AIF1L: variants seen among roughly 807,000 people sequenced by gnomAD.
AIF1L encodes allograft inflammatory factor 1 like.
In AIF1L, 12 loss-of-function variants were observed where a neutral mutation model predicts 20.7. That is an observed-to-expected ratio of 0.58 (90% CI 0.37 to 0.94). The LOEUF is 0.94. Among genes scored for constraint, AIF1L ranks in the 40% least tolerant of loss-of-function variants. The probability of loss-of-function intolerance (pLI) is 0.01; values close to 1 mark genes in which losing one functional copy is unlikely to be tolerated. For synonymous variants in AIF1L, 76 were observed against 65.1 expected, an observed-to-expected ratio of 1.17 and a Z score of -0.81; for missense variants, 173 against 185.3, an observed-to-expected ratio of 0.93 and a Z score of 0.39.
intron 2 of AIF1L, among the ~76,000 whole-genome samples, chr9:131,109,429 C>CT (rs1830824419): frequency 6.6e-6 from 1 of 152,112 alleles, no homozygotes; most frequent in Admixed American, 6.5e-5. Context: ...CATGGTGGCA[C>CT]ACTCCTGTAG....
At chr9:131,103,408 A>C (rs530647820) in intron 2 of AIF1L, among the ~76,000 whole-genome samples, 80 of 152,282 alleles carry the variant, frequency 5.3e-4, no homozygotes, top group South Asian at 1.2e-3. Flanking sequence ...CCCCGCACAC[A>C]CACCTGCCTC....
intron 4 of AIF1L, among the ~76,000 whole-genome samples, chr9:131,116,705 G>T (rs1831021301): frequency 6.6e-6 from 1 of 152,188 alleles, no homozygotes; most frequent in Admixed American, 6.5e-5. Context: ...CTTTGTACAT[G>T]AGTGCTTGTT....
At chr9:131,118,312 C>T (rs1253507972) in intron 5 of AIF1L, among the ~76,000 whole-genome samples, 1 of 152,148 alleles carries the variant, frequency 6.6e-6, no homozygotes, top group Non-Finnish European at 1.5e-5. Context: ...AGGCTAGTCT[C>T]AAACTCCTGA....
chr9:131,108,847 A>G (rs919463214), intron 2 of AIF1L, among the ~76,000 whole-genome samples: 14 of 152,194 alleles, frequency 9.2e-5, no homozygotes, highest in African/African-American at 3.1e-4. Flanking sequence ...TATTGAACCT[A>G]TTTTAGAGCT....
chr9:131,114,687 G>T (rs1395584786), intron 4 of AIF1L, 69 bp downstream of exon 4: 1 of 1,578,882 alleles, frequency 6.3e-7, no homozygotes, highest in Non-Finnish European at 8.7e-7. Flanking sequence ...GGGACCCTCT[G>T]TGCGGGTGAG....
chr9:131,116,581 T>C (rs925439713), intron 4 of AIF1L, among the ~76,000 whole-genome samples: 4 of 152,214 alleles, frequency 2.6e-5, no homozygotes, highest in Non-Finnish European at 2.9e-5. Flanking sequence ...TTTTGAAATA[T>C]AGTTAATGGC....
chr9:131,115,071 G>C (rs1322187900), intron 4 of AIF1L, among the ~76,000 whole-genome samples: 24 of 152,218 alleles, frequency 1.6e-4, no homozygotes, highest in Admixed American at 1.6e-3. Flanking sequence ...TCTGGTAGGA[G>C]ACCATACCTG....
At chr9:131,104,662 G>T (rs1402442043) in intron 2 of AIF1L, among the ~76,000 whole-genome samples, 1 of 152,206 alleles carries the variant, frequency 6.6e-6, no homozygotes, top group Non-Finnish European at 1.5e-5. Context: ...TGAATAGTCT[G>T]TGAGGGTCTA....
intron 2 of AIF1L, chr9:131,106,046 T>G: frequency 1.1e-6 from 1 of 890,542 alleles, no homozygotes; most frequent in Non-Finnish European, 1.6e-6. Flanking sequence ...TTCAAACTTC[T>G]GGCCTCAAGT....
chr9:131,099,155 G>C (rs540347551), intron 2 of AIF1L, among the ~76,000 whole-genome samples: 1 of 152,180 alleles, frequency 6.6e-6, no homozygotes. Flanking sequence ...AGCTGGCTGC[G>C]GCCCTGATAG....
chr9:131,111,795 G>A (rs1830893505), intron 3 of AIF1L, 132 bp downstream of exon 3: 3 of 945,282 alleles, frequency 3.2e-6, no homozygotes, highest in Non-Finnish European at 4.8e-6. Flanking sequence ...CCTTCTTCCT[G>A]GAGAAGGCTT....
Position 131,096,848 on chromosome 9 carries a change from G to A in AIF1L, c.78G>A (p.Leu26=), listed in dbSNP as rs1830539610. ...GLLKARQERR[L]AEINREFLCD... ...TCAAAGCCCGGCAGGAGAGGAGGCT[G>A]GCCGAGATCAACCGGGTAAGCCCCG... Residue 26 remains leucine, a synonymous_variant, in exon 2 of 6, where the codon CTG becomes CTA. Transcript: ENST00000247291. The A allele has an allele frequency of 1.3e-6, 2 of 1,537,802 alleles. No individual in the cohort carries two copies. The highest frequency in any genetic ancestry group is 1.7e-6 in the Non-Finnish European group (2 of 1,142,972).
chr9:131,108,536 C>T (rs1227464337), intron 2 of AIF1L, among the ~76,000 whole-genome samples: 2 of 152,166 alleles, frequency 1.3e-5, no homozygotes, highest in East Asian at 3.9e-4. Context: ...TATTTAACCC[C>T]TCTCATCCTC....
rs1008613532 is a variant in AIF1L, at chr9:131,096,660, G to C, written c.31G>C (p.Gly11Arg). The stretch of plus-strand genomic sequence containing the variant: ...GGGCGAGCTCAGCAACAGGTTCCAA[G>C]GTAGGCGCCGCCGTCCCCGAGCAGC... MSGELSNRFQ[G>R]GKAFGLLKAR... The change falls in exon 1 of 6, where the codon GGA (glycine) becomes CGA (arginine). Residue 11 changes from glycine (G) to arginine (R), a missense_variant and splice_region_variant. Coordinates refer to ENST00000247291, the MANE Select transcript of AIF1L (RefSeq NM_031426.4). The C allele has an allele frequency of 7.4e-6, 11 of 1,480,710 alleles. No individual in the cohort carries two copies. Among genetic ancestry groups the C allele is most frequent in the Non-Finnish European group, 9.8e-6 (11 of 1,123,518 alleles). 91.7% of individuals were successfully genotyped at this position (1,480,710 alleles called of 1,614,324 possible).
chr9:131,105,604 C>T (rs887309135), intron 2 of AIF1L, among the ~76,000 whole-genome samples: 6 of 152,266 alleles, frequency 3.9e-5, no homozygotes, highest in African/African-American at 1.4e-4. Flanking sequence ...CTTGGCCTCT[C>T]AAAGTGCTGG....
At chr9:131,117,718 C>T (rs1416050923) in intron 4 of AIF1L, 38 bp from the exon 5 acceptor site, 15 of 1,552,182 alleles carry the variant, frequency 9.7e-6, no homozygotes, top group Admixed American at 3.8e-5. Flanking sequence ...GCCCCAGCAG[C>T]CCATCTCCAC....
chr9:131,119,148 C>T (rs953346468), intron 5 of AIF1L, among the ~76,000 whole-genome samples: 3 of 143,560 alleles, frequency 2.1e-5, no homozygotes, highest in African/African-American at 7.5e-5. Flanking sequence ...GGGTGCTGCC[C>T]CATTGAAGAG....
chr9:131,117,240 G>A (rs1831035944), intron 4 of AIF1L, among the ~76,000 whole-genome samples: 1 of 152,214 alleles, frequency 6.6e-6, no homozygotes, highest in African/African-American at 2.4e-5. Flanking sequence ...CACGTGGGGA[G>A]AAGCCACCTG....
At chr9:131,116,336 T>C (rs1397124026) in intron 4 of AIF1L, among the ~76,000 whole-genome samples, 1 of 152,178 alleles carries the variant, frequency 6.6e-6, no homozygotes, top group Non-Finnish European at 1.5e-5. Context: ...CAATCTTGGC[T>C]CACTGCATCC....
Sources: gnomAD v4.1 joint callset for allele counts (sites outside exome capture counted in the v4.1 genomes callset) on GRCh38, gnomAD v4.1.1 for gene constraint, MANE v1.5 for transcripts, NCBI Gene and HGNC (gene_info 2026-07-23, HGNC 2026-07-21) for gene names.